GRIK2: variants seen among roughly 807,000 people sequenced by gnomAD.
GRIK2 encodes glutamate receptor ionotropic, kainate 2.
In GRIK2, 32 loss-of-function variants were observed where a neutral mutation model predicts 100.3. The observed-to-expected ratio is 0.32, with a 90% CI of 0.24 to 0.43. The LOEUF (loss-of-function observed/expected upper bound fraction) is 0.43. Ranked by LOEUF, GRIK2 falls within the 20% of genes least tolerant of loss-of-function variation. The probability of loss-of-function intolerance (pLI) is 1.00; values close to 1 mark genes in which losing one functional copy is unlikely to be tolerated. For missense variants in GRIK2, 843 were observed against 1,114.9 expected (o/e 0.76, Z 3.47); for synonymous variants, 417 against 389.4 (o/e 1.07, Z -0.83).
At chr6:101,939,232 C>A (rs1790804082) in intron 14 of GRIK2, among the ~76,000 whole-genome samples, 1 of 151,952 alleles carries the variant, frequency 6.6e-6, no homozygotes, top group Non-Finnish European at 1.5e-5. Flanking sequence ...TCCTACATTC[C>A]TCAATCAATA....
At chr6:101,837,102 TTGTC>T (rs1293760628) in intron 10 of GRIK2, among the ~76,000 whole-genome samples, 1 of 152,206 alleles carries the variant, frequency 6.6e-6, no homozygotes, top group Non-Finnish European at 1.5e-5. Flanking sequence ...TCATTTCTCA[TTGTC>T]TGTATCACTG....
chr6:101,404,801 T>C (rs1243226825), intron 2 of GRIK2, among the ~76,000 whole-genome samples: 1 of 152,180 alleles, frequency 6.6e-6, no homozygotes, highest in Admixed American at 6.6e-5. Flanking sequence ...AATTGAATCT[T>C]CTACCCTAAA....
chr6:101,583,300 A>T (rs988232455), intron 2 of GRIK2, among the ~76,000 whole-genome samples: 2 of 152,146 alleles, frequency 1.3e-5, no homozygotes, highest in Admixed American at 6.6e-5. Context: ...ACGTTAATGA[A>T]GGTGTCATAA....
At chr6:101,477,952 C>A (rs1416329088) in intron 2 of GRIK2, among the ~76,000 whole-genome samples, 1 of 152,020 alleles carries the variant, frequency 6.6e-6, no homozygotes, top group Non-Finnish European at 1.5e-5. Flanking sequence ...AATATGAATG[C>A]CTTTAAGCTG....
At chr6:101,490,434 A>C (rs1399158700) in intron 2 of GRIK2, among the ~76,000 whole-genome samples, 1 of 146,460 alleles carries the variant, frequency 6.8e-6, no homozygotes, top group Non-Finnish European at 1.5e-5. Context: ...ATGAGTCTGA[A>C]CCCATGAAGG....
At chr6:101,712,771 T>C (rs894695841) in intron 7 of GRIK2, among the ~76,000 whole-genome samples, 2 of 151,810 alleles carry the variant, frequency 1.3e-5, no homozygotes, top group African/African-American at 4.8e-5. Context: ...CAAATCATTG[T>C]TCAACAGAAT....
rs571177027 is a variant in GRIK2, at chr6:101,912,046, G to GCACACA, written c.1749-12526_1749-12521dup. Among the ~76,000 whole-genome samples the GCACACA allele has an allele frequency of 6.2e-3, 390 of 62,892 alleles. 1 individual carries two copies. Among genetic ancestry groups the GCACACA allele is most frequent in the East Asian group, 0.026 (41 of 1,548 alleles). The allele number at this position is 62,892 out of a possible 152,430, so 41.3% of individuals were successfully genotyped here. On this transcript the variant is annotated intron_variant, in intron 12 of 16. Coordinates refer to ENST00000369134, the MANE Select transcript of GRIK2 (RefSeq NM_021956.5). ...AGCTTTAGTGATTACCAGGGGCAAC[G>GCACACA]CACACACACACACACACACACACAC...
At chr6:101,645,067 GC>G (rs1341650103) in intron 4 of GRIK2, among the ~76,000 whole-genome samples, 1 of 151,238 alleles carries the variant, frequency 6.6e-6, no homozygotes, top group East Asian at 1.9e-4. Context: ...CTGTTGTTTA[GC>G]CCCTGAGACA....
chr6:101,466,481 A>G lies in GRIK2; in HGVS notation c.115+67089A>G, dbSNP rs183077790. Among the ~76,000 whole-genome samples, 313 of 152,110 alleles carry G rather than the reference A, an allele frequency of 2.1e-3. 4 individuals carry two copies. Among genetic ancestry groups the G allele is most frequent in the Admixed American group, 0.018 (272 of 15,288 alleles). ...TGTAGCATATATTTACTTCACAATT[A>G]GTAGTCAGTTGCTGTGTAAATAAAA... On this transcript the variant is annotated intron_variant, in intron 2 of 16. Coordinates refer to ENST00000369134, the MANE Select transcript of GRIK2 (RefSeq NM_021956.5).
chr6:101,787,084 A>G (rs1257778470), intron 7 of GRIK2, among the ~76,000 whole-genome samples: 1 of 151,866 alleles, frequency 6.6e-6, no homozygotes, highest in African/African-American at 2.4e-5. Context: ...CATTTCCTAT[A>G]AATTTTTGAG....
intron 7 of GRIK2, among the ~76,000 whole-genome samples, chr6:101,727,486 C>T (rs191619708): frequency 7.0e-4 from 107 of 152,238 alleles, no homozygotes; most frequent in Non-Finnish European, 5.9e-5. Flanking sequence ...CCTTGCTCTC[C>T]TGTGCTGCTG....
chr6:101,683,195 C>T (rs1467218981), intron 6 of GRIK2, among the ~76,000 whole-genome samples: 1 of 145,942 alleles, frequency 6.9e-6, no homozygotes, highest in Non-Finnish European at 1.5e-5. Flanking sequence ...AGCTAGACTC[C>T]ATCTAGAAAA....
chr6:101,626,856 T>C (rs1273540562), intron 4 of GRIK2, among the ~76,000 whole-genome samples: 1 of 152,006 alleles, frequency 6.6e-6, no homozygotes, highest in African/African-American at 2.4e-5. Flanking sequence ...AAAATAAGCA[T>C]TTTTTTATTC....
intron 2 of GRIK2, among the ~76,000 whole-genome samples, chr6:101,534,378 AG>A (rs1275921129): frequency 6.6e-6 from 1 of 151,898 alleles, no homozygotes; most frequent in Non-Finnish European, 1.5e-5. Flanking sequence ...TAACTTTTTA[AG>A]TTATGCTGTT....
At chr6:101,767,341 A>G (rs2128395206) in intron 7 of GRIK2, among the ~76,000 whole-genome samples, 1 of 152,270 alleles carries the variant, frequency 6.6e-6, no homozygotes, top group East Asian at 1.9e-4. Context: ...AAAGAAAGGT[A>G]AACTTTTCTG....
intron 11 of GRIK2, among the ~76,000 whole-genome samples, chr6:101,885,257 A>T (rs1367239109): frequency 6.6e-6 from 1 of 152,160 alleles, no homozygotes; most frequent in African/African-American, 2.4e-5. Context: ...ATGTGGATAG[A>T]GTATTCAGGA....
intron 14 of GRIK2, among the ~76,000 whole-genome samples, chr6:101,936,650 A>G (rs1790637293): frequency 1.3e-5 from 2 of 152,036 alleles, no homozygotes; most frequent in Admixed American, 6.6e-5. Flanking sequence ...ACAGGAAACC[A>G]ACACCATTTT....
At chr6:101,664,881 A>T (rs1769898368) in intron 4 of GRIK2, among the ~76,000 whole-genome samples, 1 of 152,166 alleles carries the variant, frequency 6.6e-6, no homozygotes, top group African/African-American at 2.4e-5. Context: ...CAGCCCTTTT[A>T]TAAAAAACAA....
intron 2 of GRIK2, among the ~76,000 whole-genome samples, chr6:101,510,467 A>G (rs186317521): frequency 6.3e-4 from 94 of 148,698 alleles, no homozygotes; most frequent in Non-Finnish European, 1.0e-3. Context: ...TTGGCTCACA[A>G]TCATTTTGTT....
Sources: allele counts gnomAD v4.1 joint callset (sites outside exome capture counted in the v4.1 genomes callset), GRCh38; gene constraint gnomAD v4.1.1; transcripts MANE v1.5; gene names NCBI Gene and HGNC (gene_info 2026-07-23, HGNC 2026-07-21).